The following KCNIP4 variants were observed in gnomAD, a reference collection of about 807,000 sequenced individuals.
KCNIP4 encodes the protein potassium voltage-gated channel interacting protein 4.
In KCNIP4, 12 loss-of-function variants were observed where a neutral mutation model predicts 34.0. The ratio of observed to expected loss-of-function variants is 0.35; its 90% CI spans 0.23 to 0.57. The LOEUF is 0.57. Ranked by LOEUF, KCNIP4 falls within the 20% of genes least tolerant of loss-of-function variation. The pLI, the probability that KCNIP4 is intolerant of heterozygous loss-of-function variation, is 0.83. For synonymous variants in KCNIP4, 124 were observed against 102.2 expected, an observed-to-expected ratio of 1.21 and a Z score of -1.29; for missense variants, 238 against 311.7, an observed-to-expected ratio of 0.76 and a Z score of 1.78.
chr4:21,871,041 A>T (rs1725763628), intron 1 of KCNIP4, among the ~76,000 whole-genome samples: 1 of 152,146 alleles, frequency 6.6e-6, no homozygotes, highest in Non-Finnish European at 1.5e-5. Context: ...CCTTGACTAA[A>T]TTTTAATCAG....
Position 21,510,441 on chromosome 4 carries a change from A to G in KCNIP4, c.61+438130T>C, listed in dbSNP as rs143997012. Among the ~76,000 whole-genome samples the G allele has an allele frequency of 9.5e-3, 1,450 of 152,264 alleles. 38 individuals are homozygous for G. The highest frequency in any genetic ancestry group is 0.068 in the Admixed American group (1,036 of 15,290). On this transcript the variant is annotated intron_variant, in intron 1 of 8. Coordinates refer to ENST00000382152, the MANE Select transcript of KCNIP4 (RefSeq NM_025221.6). ...TACTTGTACTTATTCTACTGATACT[A>G]TTGACATCGTATTACTCTTGAACAA...
At chr4:21,027,350 T>C (rs1256386721) in intron 1 of KCNIP4, among the ~76,000 whole-genome samples, 1 of 152,008 alleles carries the variant, frequency 6.6e-6, no homozygotes, top group African/African-American at 2.4e-5. Flanking sequence ...AAGTCTTAAA[T>C]ACTTACTCTC....
intron 1 of KCNIP4, among the ~76,000 whole-genome samples, chr4:21,423,109 C>CTTG (rs1466079315): frequency 5.9e-5 from 9 of 152,132 alleles, no homozygotes; most frequent in Non-Finnish European, 1.3e-4. Flanking sequence ...CAAGAGATAG[C>CTTG]ACCTGGACAA....
Position 21,372,426 on chromosome 4 carries a change from A to G in KCNIP4, c.62-489717T>C, listed in dbSNP as rs1040847909. Among the ~76,000 whole-genome samples, 5 of 81,856 alleles carry G rather than the reference A, an allele frequency of 6.1e-5. 1 individual carries two copies. Among genetic ancestry groups the G allele is most frequent in the African/African-American group, 1.3e-4 (3 of 23,296 alleles). The allele number at this position is 81,856 out of a possible 152,430, so 53.7% of individuals were successfully genotyped here. On this transcript the variant is annotated intron_variant, in intron 1 of 8. Coordinates refer to ENST00000382152, the MANE Select transcript of KCNIP4 (RefSeq NM_025221.6). ...GACAGACAGACAGATACAGATATAG[A>G]TATAGATGTGTATATATATGTGTGT...
intron 1 of KCNIP4, among the ~76,000 whole-genome samples, chr4:21,525,839 C>T (rs1230253402): frequency 6.6e-6 from 1 of 152,032 alleles, no homozygotes; most frequent in Admixed American, 6.6e-5. Flanking sequence ...AGGAAATCAG[C>T]AGTAATTATT....
intron 1 of KCNIP4, among the ~76,000 whole-genome samples, chr4:21,929,654 CT>C (rs1168032837): frequency 1.3e-5 from 2 of 152,084 alleles, no homozygotes; most frequent in Non-Finnish European, 2.9e-5. Flanking sequence ...CAGTCTATTC[CT>C]TTTCTTTCTC....
chr4:21,694,098 G>A (rs1711990695), intron 1 of KCNIP4, among the ~76,000 whole-genome samples: 1 of 152,124 alleles, frequency 6.6e-6, no homozygotes, highest in Admixed American at 6.5e-5. Context: ...CACACATAAA[G>A]AAGAAACAGT....
At position 21,414,893 on chromosome 4, in the gene KCNIP4, A is replaced by G. The variant is rs1271144997; in HGVS notation, c.62-532184T>C. On this transcript the variant is annotated intron_variant, in intron 1 of 8. Coordinates refer to ENST00000382152, the MANE Select transcript of KCNIP4 (RefSeq NM_025221.6). ...TGATACGGGCATACAATGCAAAATA[A>G]TTACACCAGGGTAAATGGGGTATTC... 7.2e-5 allele frequency among the ~76,000 whole-genome samples: 11 copies of G among 152,264 alleles called. No homozygotes were observed. In the South Asian group the frequency reaches 1.9e-3, roughly 26 times the overall value.
intron 1 of KCNIP4, among the ~76,000 whole-genome samples, chr4:21,583,952 A>G (rs1741425035): frequency 6.6e-6 from 1 of 152,074 alleles, no homozygotes; most frequent in African/African-American, 2.4e-5. Context: ...ATGAACATAA[A>G]ACATGCCTCA....
intron 1 of KCNIP4, among the ~76,000 whole-genome samples, chr4:21,838,605 C>A (rs1425275728): frequency 6.6e-6 from 1 of 152,100 alleles, no homozygotes; most frequent in Non-Finnish European, 1.5e-5. Context: ...TTTATGAATT[C>A]GTATTGGGCT....
intron 3 of KCNIP4, among the ~76,000 whole-genome samples, chr4:20,788,470 G>A (rs1712295669): frequency 6.6e-6 from 1 of 152,162 alleles, no homozygotes; most frequent in African/African-American, 2.4e-5. Flanking sequence ...CATGGCAGAA[G>A]AAGAGCAGAG....
chr4:21,272,398 A>T (rs1052758715), intron 1 of KCNIP4, among the ~76,000 whole-genome samples: 3 of 152,250 alleles, frequency 2.0e-5, no homozygotes, highest in African/African-American at 7.2e-5. Context: ...TGAGTCATAT[A>T]TTTTCCCAAG....
At chr4:21,709,860 C>A (rs891186181) in intron 1 of KCNIP4, among the ~76,000 whole-genome samples, 1 of 152,110 alleles carries the variant, frequency 6.6e-6, no homozygotes, top group African/African-American at 2.4e-5. Context: ...TCCAGTGATG[C>A]TTTTATAACT....
chr4:20,940,006 C>T (rs75496382), intron 1 of KCNIP4, among the ~76,000 whole-genome samples: 6,427 of 152,246 alleles, frequency 0.042, 288 homozygotes, highest in African/African-American at 0.12. Context: ...AAAATGACTA[C>T]GTCATTCCAC....
chr4:21,500,966 C>T (rs1031877907), intron 1 of KCNIP4, among the ~76,000 whole-genome samples: 45 of 151,778 alleles, frequency 3.0e-4, no homozygotes, highest in African/African-American at 1.0e-3. Flanking sequence ...ATTGTTAATA[C>T]AGATCAGTGT....
At chr4:21,936,392 C>T (rs534505125) in intron 1 of KCNIP4, among the ~76,000 whole-genome samples, 19 of 152,214 alleles carry the variant, frequency 1.2e-4, no homozygotes, top group South Asian at 4.1e-4. Flanking sequence ...TCTACCATGA[C>T]GGTGAGGTCT....
intron 1 of KCNIP4, among the ~76,000 whole-genome samples, chr4:21,896,808 A>G (rs1173628277): frequency 6.6e-6 from 1 of 151,992 alleles, no homozygotes; most frequent in Non-Finnish European, 1.5e-5. Context: ...AATCCTAGCT[A>G]CTCAGGAGGC....
chr4:21,105,873 GTTCTGTTTA>G, intron 1 of KCNIP4, among the ~76,000 whole-genome samples: 1 of 151,396 alleles, frequency 6.6e-6, no homozygotes, highest in Non-Finnish European at 1.5e-5. Context: ...TTTGTCTTTG[GTTCTGTTTA>G]TATGCTGGAT....
At chr4:20,778,753 G>A (rs1756593827) in intron 3 of KCNIP4, among the ~76,000 whole-genome samples, 1 of 152,180 alleles carries the variant, frequency 6.6e-6, no homozygotes, top group South Asian at 2.1e-4. Context: ...GAAGCCAAGA[G>A]TTAAGAAATA....
Sources: gnomAD v4.1 joint callset for allele counts (sites outside exome capture counted in the v4.1 genomes callset) on GRCh38, gnomAD v4.1.1 for gene constraint, MANE v1.5 for transcripts, NCBI Gene and HGNC (gene_info 2026-07-23, HGNC 2026-07-21) for gene names.